SCAMP2: variants seen among roughly 807,000 people sequenced by gnomAD.
SCAMP2 encodes the protein secretory carrier membrane protein 2.
In SCAMP2, 25 loss-of-function variants were observed where a neutral mutation model predicts 44.1. The observed-to-expected ratio is 0.57, with a 90% CI of 0.41 to 0.79. SCAMP2 has a LOEUF of 0.79. Ranked by LOEUF, SCAMP2 falls within the 30% of genes least tolerant of loss-of-function variation. The pLI, the probability that SCAMP2 is intolerant of heterozygous loss-of-function variation, is 0.00. For missense variants in SCAMP2, 355 were observed against 411.0 expected, an observed-to-expected ratio of 0.86 and a Z score of 1.18; for synonymous variants, 156 against 166.0, an observed-to-expected ratio of 0.94 and a Z score of 0.46.
At chr15:74,866,432 C>T (rs974586909) in intron 1 of SCAMP2, among the ~76,000 whole-genome samples, 2 of 151,950 alleles carry the variant, frequency 1.3e-5, no homozygotes, top group South Asian at 2.1e-4. Context: ...GTTTTCTGGC[C>T]GGGCGTGGTG....
At chr15:74,868,441 G>A (rs1044874111) in intron 1 of SCAMP2, among the ~76,000 whole-genome samples, 1 of 152,204 alleles carries the variant, frequency 6.6e-6, no homozygotes, top group African/African-American at 2.4e-5. Context: ...TTCCATGGTC[G>A]AATAACCTTG....
intron 4 of SCAMP2, chr15:74,851,808 C>G: frequency 2.2e-6 from 1 of 454,408 alleles, no homozygotes; most frequent in East Asian, 3.4e-5. Context: ...ATTGTGGGAC[C>G]AAAGCCCCTA....
intron 1 of SCAMP2, chr15:74,872,893 C>G (rs937116713): frequency 1.1e-5 from 4 of 354,332 alleles, no homozygotes; most frequent in African/African-American, 6.3e-5. Flanking sequence ...CTCCCTGACG[C>G]TAGGAGACTT....
chr15:74,855,312 C>A lies in SCAMP2; in HGVS notation c.58-663G>T, dbSNP rs1329661520. 2.6e-5 allele frequency among the ~76,000 whole-genome samples: 4 copies of A among 152,006 alleles called. No homozygotes were observed. The East Asian group carries it at 7.8e-4, about 30-fold the overall frequency. On this transcript the variant is annotated intron_variant, in intron 1 of 8. Transcript: ENST00000268099. Reference sequence around the variant, plus strand: ...AGAGACAGGGTTTCACCATGTTGGCCAGGATGGTCTCAATCTCTTGACCTC... The same window carrying A: ...AGAGACAGGGTTTCACCATGTTGGCAAGGATGGTCTCAATCTCTTGACCTC...
intron 1 of SCAMP2, among the ~76,000 whole-genome samples, chr15:74,866,752 C>T (rs778991123): frequency 6.6e-6 from 1 of 152,014 alleles, no homozygotes; most frequent in Non-Finnish European, 1.5e-5. Flanking sequence ...CTGCCCTGAT[C>T]CCACTTGTGA....
chr15:74,868,496 G>A (rs774135446), intron 1 of SCAMP2, among the ~76,000 whole-genome samples: 2 of 152,182 alleles, frequency 1.3e-5, no homozygotes, highest in Non-Finnish European at 2.9e-5. Context: ...CTTTTTGTAG[G>A]ATTTCTCAGA....
intron 1 of SCAMP2, 25 bp downstream of exon 1, chr15:74,873,174 C>G: frequency 1.4e-6 from 2 of 1,426,610 alleles, no homozygotes; most frequent in Non-Finnish European, 1.8e-6. Context: ...AATCTGAGAG[C>G]TGGATGGCGG....
chr15:74,869,600 G>A (rs892628648), intron 1 of SCAMP2, among the ~76,000 whole-genome samples: 1 of 152,200 alleles, frequency 6.6e-6, no homozygotes, highest in African/African-American at 2.4e-5. Context: ...CCTTCCTGCT[G>A]CTAAACAACT....
chr15:74,855,217 C>G (rs2064461140), intron 1 of SCAMP2, among the ~76,000 whole-genome samples: 1 of 152,068 alleles, frequency 6.6e-6, no homozygotes, highest in Non-Finnish European at 1.5e-5. Flanking sequence ...GATTCTCCTG[C>G]CTCAGCCTCC....
intron 1 of SCAMP2, among the ~76,000 whole-genome samples, chr15:74,860,866 C>CAAT (rs922218828): frequency 3.3e-5 from 5 of 149,406 alleles, no homozygotes; most frequent in African/African-American, 9.9e-5. Context: ...AAAAAATAAA[C>CAAT]AATAATAATA....
chr15:74,854,475 G>T, intron 2 of SCAMP2, 106 bp downstream of exon 2: 1 of 953,470 alleles, frequency 1.0e-6, no homozygotes, highest in Non-Finnish European at 1.7e-6. Flanking sequence ...TTTGAGGACT[G>T]CCGCTTCTCA....
chr15:74,853,769 C>T, intron 3 of SCAMP2: 1 of 548,564 alleles, frequency 1.8e-6, no homozygotes, highest in South Asian at 2.1e-5. Flanking sequence ...TCTGGAGGCA[C>T]CGAGGAGCCC....
At chr15:74,871,299 T>C (rs891941802) in intron 1 of SCAMP2, among the ~76,000 whole-genome samples, 5 of 148,942 alleles carry the variant, frequency 3.4e-5, no homozygotes, top group Admixed American at 2.7e-4. Context: ...ACAAAAATTT[T>C]TTTTAAAAGG....
At chr15:74,863,468 G>T (rs1007073027) in intron 1 of SCAMP2, among the ~76,000 whole-genome samples, 1 of 150,956 alleles carries the variant, frequency 6.6e-6, no homozygotes, top group Non-Finnish European at 1.5e-5. Context: ...CCATGATTGC[G>T]CTACTGCACC....
chr15:74,850,765 A>T lies in SCAMP2; in HGVS notation c.473-92T>A, dbSNP rs149732024. The T allele has an allele frequency of 1.7e-5, 23 of 1,377,024 alleles. No individual in the cohort carries two copies. In the African/African-American group the frequency reaches 2.7e-4, roughly 16 times the overall value. The allele number at this position is 1,377,024 out of a possible 1,614,324, so 85.3% of individuals were successfully genotyped here. On this transcript the variant is annotated intron_variant, in intron 5 of 8. Transcript: ENST00000268099. ...CCACTCCCTAGGAGAGGTGAGGTTC[A>T]TGCTGCGAAGGCAGCTGCTGAAACA...
rs1567254326 is a variant in SCAMP2 at position 74,862,891 on chromosome 15, C to CACAT, written c.58-8243_58-8242insATGT. The stretch of plus-strand genomic sequence containing the variant: ...ACACACACACACACACACACACACA[C>CACAT]ACACACATATTTTTAAAAAGAGAAA... On this transcript the variant is annotated intron_variant, in intron 1 of 8. Coordinates refer to ENST00000268099, the MANE Select transcript of SCAMP2 (RefSeq NM_005697.5). Among the ~76,000 whole-genome samples, 3 of 141,016 alleles carry CACAT rather than the reference C, an allele frequency of 2.1e-5. No homozygotes were observed. The East Asian group carries it at 5.9e-4, about 28-fold the overall frequency. The allele number at this position is 141,016 out of a possible 152,430, so 92.5% of individuals were successfully genotyped here.
Position 74,873,139 on chromosome 15 carries a change from G to C in SCAMP2, c.57+60C>G. 3 of 1,345,524 alleles carry C rather than the reference G, an allele frequency of 2.2e-6. No individual in the cohort carries two copies. In the South Asian group the frequency reaches 5.1e-5, roughly 23 times the overall value. The allele number at this position is 1,345,524 out of a possible 1,614,324, so 83.3% of individuals were successfully genotyped here. On this transcript the variant is annotated intron_variant, in intron 1 of 8. Transcript: ENST00000268099. ...GTCTCCCGGCTCTAGCGAGAGGCCC[G>C]GGCGGCGGCCGTGGGCCCTAGGGAA...
At chr15:74,854,913 G>A (rs924053551) in intron 1 of SCAMP2, among the ~76,000 whole-genome samples, 3 of 151,508 alleles carry the variant, frequency 2.0e-5, no homozygotes, top group African/African-American at 7.3e-5. Flanking sequence ...CACCACACAG[G>A]CTCCTGTTGG....
chr15:74,861,900 CAA>C (rs71140103), intron 1 of SCAMP2, among the ~76,000 whole-genome samples: 7 of 44,280 alleles, frequency 1.6e-4, no homozygotes, highest in Admixed American at 7.8e-4. Flanking sequence ...GACTCTGTCT[CAA>C]AAAAAAAAAA....
Sources: allele counts gnomAD v4.1 joint callset (sites outside exome capture counted in the v4.1 genomes callset), GRCh38; gene constraint gnomAD v4.1.1; transcripts MANE v1.5; gene names NCBI Gene and HGNC (gene_info 2026-07-23, HGNC 2026-07-21).